The following KAZN variants were observed in gnomAD, a reference collection of about 807,000 sequenced individuals.
The protein encoded by KAZN is kazrin.
In KAZN, 40 loss-of-function variants were observed where a neutral mutation model predicts 87.4. The ratio of observed to expected loss-of-function variants is 0.46; its 90% CI spans 0.36 to 0.60. The LOEUF is 0.60. Among genes scored for constraint, KAZN ranks in the 20% least tolerant of loss-of-function variants. The probability of loss-of-function intolerance (pLI) is 0.00; values close to 1 mark genes in which losing one functional copy is unlikely to be tolerated. For missense variants in KAZN, 898 were observed against 1,073.9 expected (o/e 0.84, Z 2.29); for synonymous variants, 466 against 458.3 (o/e 1.02, Z -0.22).
At chr1:14,862,685 G>C (rs750068862) in intron 1 of KAZN, among the ~76,000 whole-genome samples, 5 of 152,170 alleles carry the variant, frequency 3.3e-5, no homozygotes, top group Non-Finnish European at 7.3e-5. Context: ...TTTCGAATCA[G>C]TATAAACCCA....
intron 3 of KAZN, among the ~76,000 whole-genome samples, chr1:15,041,322 A>ATTTTTTTTTTTTTTTTTTTTTTT: frequency 1.2e-5 from 1 of 83,184 alleles, no homozygotes; most frequent in Non-Finnish European, 2.3e-5. Context: ...TACTCTCCGC[A>ATTTTTTTTTTTTTTTTTTTTTTT]TTTTTTTTCT....
chr1:15,007,072 A>AG (rs1387983179), intron 2 of KAZN, among the ~76,000 whole-genome samples: 99 of 128,134 alleles, frequency 7.7e-4, no homozygotes, highest in Non-Finnish European at 1.2e-3. Context: ...AAAAAAAAAA[A>AG]AAAAAGAAAA....
At chr1:14,941,944 C>T (rs552549288) in intron 1 of KAZN, among the ~76,000 whole-genome samples, 1 of 152,138 alleles carries the variant, frequency 6.6e-6, no homozygotes, top group Non-Finnish European at 1.5e-5. Context: ...GGGCCGTCTA[C>T]CGCTGGAGGT....
intron 1 of KAZN, among the ~76,000 whole-genome samples, chr1:14,062,432 A>G (rs766554416): frequency 6.6e-6 from 1 of 152,190 alleles, no homozygotes; most frequent in Non-Finnish European, 1.5e-5. Flanking sequence ...AGGACTTTCT[A>G]AATGGCTTTG....
chr1:14,880,701 A>C (rs897708754), intron 1 of KAZN, among the ~76,000 whole-genome samples: 1 of 152,176 alleles, frequency 6.6e-6, no homozygotes, highest in African/African-American at 2.4e-5. Context: ...GGGACTGCCA[A>C]CTGGACTGCC....
At chr1:15,040,094 T>C (rs905512469) in intron 3 of KAZN, among the ~76,000 whole-genome samples, 2 of 152,126 alleles carry the variant, frequency 1.3e-5, no homozygotes, top group African/African-American at 4.8e-5. Context: ...ATTTTACAGG[T>C]GGGAAGACTG....
intron 2 of KAZN, among the ~76,000 whole-genome samples, chr1:14,526,830 C>T (rs565512568): frequency 6.6e-6 from 1 of 152,256 alleles, no homozygotes; most frequent in East Asian, 1.9e-4. Flanking sequence ...TTGTATCCAT[C>T]TTGAAAGAGA....
chr1:14,757,989 G>A (rs79148568), intron 1 of KAZN, among the ~76,000 whole-genome samples: 3,234 of 152,282 alleles, frequency 0.021, 139 homozygotes, highest in African/African-American at 0.074. Flanking sequence ...TGAATTCCAA[G>A]TCCACACACC....
intron 2 of KAZN, among the ~76,000 whole-genome samples, chr1:14,498,082 TCTTA>T (rs913030424): frequency 6.6e-6 from 1 of 152,198 alleles, no homozygotes; most frequent in African/African-American, 2.4e-5. Context: ...AGTTCAAGGC[TCTTA>T]CTTTGGAAAC....
intron 1 of KAZN, among the ~76,000 whole-genome samples, chr1:14,162,121 G>T (rs1346419580): frequency 6.6e-6 from 1 of 152,146 alleles, no homozygotes; most frequent in East Asian, 1.9e-4. Context: ...TCCACCCTTT[G>T]AGCTCTTGGT....
intron 4 of KAZN, among the ~76,000 whole-genome samples, chr1:15,049,248 A>G (rs968252847): frequency 3.3e-5 from 5 of 152,206 alleles, no homozygotes; most frequent in Admixed American, 6.5e-5. Flanking sequence ...GACCATGGGC[A>G]TCCCCCACAC....
chr1:15,031,768 G>A (rs537884267), intron 2 of KAZN, among the ~76,000 whole-genome samples: 3 of 152,138 alleles, frequency 2.0e-5, no homozygotes, highest in African/African-American at 4.8e-5. Context: ...CACAATCAGC[G>A]TATTGTTTTA....
At chr1:14,924,047 C>CGGGGCG (rs1161886377) in intron 1 of KAZN, 6 of 746,710 alleles carry the variant, frequency 8.0e-6, no homozygotes, top group Middle Eastern at 6.7e-4. Flanking sequence ...GGCGCCGCGG[C>CGGGGCG]GGGGCGGGGG....
At chr1:14,387,820 C>T (rs1490666693) in intron 2 of KAZN, among the ~76,000 whole-genome samples, 4 of 152,146 alleles carry the variant, frequency 2.6e-5, no homozygotes, top group African/African-American at 7.2e-5. Flanking sequence ...GGCAGGCCTC[C>T]TTGAGCTGTG....
intron 1 of KAZN, among the ~76,000 whole-genome samples, chr1:14,132,820 G>T (rs924634928): frequency 2.0e-5 from 3 of 152,080 alleles, no homozygotes; most frequent in African/African-American, 7.2e-5. Context: ...TCCAGTATGG[G>T]TTAGAGAACC....
At chr1:14,935,225 C>G (rs1335704409) in intron 1 of KAZN, among the ~76,000 whole-genome samples, 4 of 152,218 alleles carry the variant, frequency 2.6e-5, no homozygotes, top group African/African-American at 9.6e-5. Context: ...CACCAGGGTA[C>G]AGTGGTTCTT....
At chr1:14,188,194 C>CGTGTGTGTGTGTGTGTGT (rs3033865) in intron 2 of KAZN, among the ~76,000 whole-genome samples, 2 of 140,054 alleles carry the variant, frequency 1.4e-5, no homozygotes, top group East Asian at 2.1e-4. Flanking sequence ...GAGAGAGGAG[C>CGTGTGTGTGTGTGTGTGT]GTGTGTGTGT....
intron 2 of KAZN, among the ~76,000 whole-genome samples, chr1:14,518,745 C>T (rs1312827356): frequency 6.6e-6 from 1 of 152,190 alleles, no homozygotes; most frequent in Non-Finnish European, 1.5e-5. Flanking sequence ...TCCATTTTCT[C>T]ATCAGCAAGA....
In KAZN at chr1:14,383,163, GTTGT is replaced by G. The variant is rs937050796; in HGVS notation, c.249+202574_249+202577del. Among the ~76,000 whole-genome samples the G allele has an allele frequency of 5.0e-4, 76 of 152,052 alleles. 1 individual carries two copies. The highest frequency in any genetic ancestry group is 1.7e-3 in the African/African-American group (71 of 41,482). Reference sequence around the variant, plus strand: ...TATCCTTCATCCACTTTTTGATGGGGTTGTTTTTTTCCTGTAAATTTGTTTGAGT... The same window carrying G: ...TATCCTTCATCCACTTTTTGATGGGGTTTTTTCCTGTAAATTTGTTTGAGT... On this transcript the variant is annotated intron_variant, in intron 2 of 16. Transcript: ENST00000636203.
Sources: gnomAD v4.1 joint callset for allele counts (sites outside exome capture counted in the v4.1 genomes callset) on GRCh38, gnomAD v4.1.1 for gene constraint, MANE v1.5 for transcripts, NCBI Gene and HGNC (gene_info 2026-07-23, HGNC 2026-07-21) for gene names.